The following MAPKBP1 variants were observed in gnomAD, a reference collection of about 807,000 sequenced individuals.
The protein encoded by MAPKBP1 is mitogen-activated protein kinase-binding protein 1.
In MAPKBP1, 71 loss-of-function variants were observed where a neutral mutation model predicts 170.5. The ratio of observed to expected loss-of-function variants is 0.42; its 90% CI spans 0.34 to 0.51. MAPKBP1 has a LOEUF of 0.51. Ranked by LOEUF, MAPKBP1 falls within the 20% of genes least tolerant of loss-of-function variation. The pLI, the probability that MAPKBP1 is intolerant of heterozygous loss-of-function variation, is 0.06. For missense variants in MAPKBP1, 1,598 were observed against 1,933.0 expected (o/e 0.83, Z 3.25); for synonymous variants, 719 against 757.9 (o/e 0.95, Z 0.84).
intron 2 of MAPKBP1, among the ~76,000 whole-genome samples, chr15:41,782,330 A>C (rs1160316754): frequency 6.6e-6 from 1 of 151,986 alleles, no homozygotes; most frequent in African/African-American, 2.4e-5. Flanking sequence ...ATTGTATTAT[A>C]AATAATGATA....
At position 41,823,956 on chromosome 15, in the gene MAPKBP1, A is replaced by G; in HGVS notation, c.4108A>G (p.Ser1370Gly). The change falls in exon 29 of 31, where the codon AGC becomes GGC. Residue 1370 changes from serine to glycine, a missense_variant. Transcript: ENST00000457542. ...CCCCTGTGCCCAGCAACTGCCAGTC[A>G]GCAGCCTCTTCCAAGGCCCTGAAAA... is the stretch of plus-strand genomic sequence containing the variant. Reference protein sequence around the residue: ...SSPCAQQLPVSSLFQGPENLQ... With the variant: ...SSPCAQQLPVGSLFQGPENLQ... 1 of 1,614,112 alleles carries G rather than the reference A, an allele frequency of 6.2e-7. No individual in the cohort carries two copies. Among genetic ancestry groups the G allele is most frequent in the East Asian group, 2.2e-5 (1 of 44,864 alleles).
chr15:41,812,862 G>C, intron 7 of MAPKBP1, 57 bp from the exon 8 acceptor site: 1 of 1,540,368 alleles, frequency 6.5e-7, no homozygotes, highest in Non-Finnish European at 8.7e-7. Flanking sequence ...CTAGGGCCCA[G>C]TTTCCAGGGG....
chr15:41,820,767 T>G, intron 22 of MAPKBP1, 65 bp from the exon 23 acceptor site: 2 of 1,191,680 alleles, frequency 1.7e-6, no homozygotes, highest in Non-Finnish European at 2.5e-6. Context: ...AAGGGATATG[T>G]GGATATTTGT....
chr15:41,776,160 C>A (rs975302370), intron 2 of MAPKBP1, among the ~76,000 whole-genome samples: 2 of 152,156 alleles, frequency 1.3e-5, no homozygotes, highest in African/African-American at 4.8e-5. Context: ...TTATTTAATC[C>A]CTTGAGGGAA....
At chr15:41,794,550 C>T (rs1013274209) in intron 2 of MAPKBP1, among the ~76,000 whole-genome samples, 4 of 152,116 alleles carry the variant, frequency 2.6e-5, no homozygotes, top group Admixed American at 1.3e-4. Context: ...TGTCCTCGGT[C>T]GGTCATAGCC....
intron 21 of MAPKBP1, 105 bp downstream of exon 21, chr15:41,819,484 T>A: frequency 1.3e-6 from 2 of 1,563,302 alleles, no homozygotes; most frequent in Non-Finnish European, 1.7e-6. Flanking sequence ...CTGAGGAAAC[T>A]GAGGCATCAC....
At position 41,817,616 on chromosome 15, in the gene MAPKBP1, T is replaced by C. The variant is rs1337880419; in HGVS notation, c.1785T>C (p.Ser595=). ...KSIYFRTAQK[S]GDGVQFTRTH... Reference sequence around the variant, plus strand: ...GCCCACATGCTCCACCCCTGCAGTCTGGAGATGGAGTGCAGTTCACACGGA... The same window carrying C: ...GCCCACATGCTCCACCCCTGCAGTCCGGAGATGGAGTGCAGTTCACACGGA... The change falls in exon 16 of 31, where the codon TCT becomes TCC. Residue 595 remains serine, a splice_region_variant and synonymous_variant. Coordinates refer to ENST00000457542, the MANE Select transcript of MAPKBP1 (RefSeq NM_014994.3). This position sits in a 1 kb window ranked among gnomAD's most constrained non-coding sequence, Gnocchi z 4.2. 3 of 1,614,042 alleles carry C rather than the reference T, an allele frequency of 1.9e-6. No homozygotes were observed. The highest frequency in any genetic ancestry group is 2.5e-6 in the Non-Finnish European group (3 of 1,180,024).
chr15:41,786,633 C>T (rs956343503), intron 2 of MAPKBP1, among the ~76,000 whole-genome samples: 26 of 149,836 alleles, frequency 1.7e-4, no homozygotes, highest in Non-Finnish European at 3.4e-4. Flanking sequence ...GGCGTGGTGG[C>T]GGGTGCCCGT....
intron 2 of MAPKBP1, among the ~76,000 whole-genome samples, chr15:41,792,590 A>C (rs1289148645): frequency 2.0e-5 from 3 of 152,220 alleles, no homozygotes; most frequent in African/African-American, 7.2e-5. Context: ...CCACTTGTGC[A>C]TGAAGCAGTG....
intron 3 of MAPKBP1, among the ~76,000 whole-genome samples, chr15:41,801,831 CAA>C (rs2064599703): frequency 6.6e-6 from 1 of 151,920 alleles, no homozygotes; most frequent in African/African-American, 2.4e-5. Context: ...GCCTGGGCGA[CAA>C]AGAGAGACTC....
chr15:41,822,590 T>G lies in MAPKBP1; in HGVS notation c.3230-3T>G. 3 of 1,613,842 alleles carry G rather than the reference T, an allele frequency of 1.9e-6. 1 individual carries two copies. The highest frequency in any genetic ancestry group is 3.3e-4 in the Middle Eastern group (2 of 6,048). On this transcript the variant is annotated splice_polypyrimidine_tract_variant and splice_region_variant and intron_variant, in intron 26 of 30. Transcript: ENST00000457542. Reference sequence around the variant, plus strand: ...CAATTCATGATTTCTCTGACCTTGGTAGGGGCCCCAGTGCAGGTCCCAGAG... The same window carrying G: ...CAATTCATGATTTCTCTGACCTTGGGAGGGGCCCCAGTGCAGGTCCCAGAG...
intron 23 of MAPKBP1, chr15:41,821,300 G>A: frequency 6.5e-6 from 4 of 614,694 alleles, no homozygotes; most frequent in Non-Finnish European, 5.7e-6. Flanking sequence ...GCCCTGGGCT[G>A]GGTTTCTTGG....
Position 41,817,072 on chromosome 15 carries a change from T to C in MAPKBP1, c.1711+37T>C. ...GTGAATGAGACACATCCTGCCACTCTCACCCCTGCTGCCATCTGCCTCCCA... is the reference window on the plus strand; with the variant it reads ...GTGAATGAGACACATCCTGCCACTCCCACCCCTGCTGCCATCTGCCTCCCA... On this transcript the variant is annotated intron_variant, in intron 14 of 30. Transcript: ENST00000457542. This position sits in a 1 kb window ranked among gnomAD's most constrained non-coding sequence, Gnocchi z 4.2. 6.5e-7 allele frequency: 1 copy of C among 1,546,952 alleles called. No homozygotes were observed. Among genetic ancestry groups the C allele is most frequent in the Admixed American group, 1.9e-5 (1 of 53,152 alleles).
intron 2 of MAPKBP1, among the ~76,000 whole-genome samples, chr15:41,781,523 G>A (rs1214475699): frequency 6.6e-6 from 1 of 151,290 alleles, no homozygotes. Context: ...CACACCTATA[G>A]CCCCAGCATC....
At chr15:41,788,778 T>A (rs796132534) in intron 2 of MAPKBP1, among the ~76,000 whole-genome samples, 6 of 152,306 alleles carry the variant, frequency 3.9e-5, no homozygotes, top group African/African-American at 1.4e-4. Flanking sequence ...TATATTTTAT[T>A]TAGTTGACAG....
chr15:41,778,793 G>T (rs893485850), intron 2 of MAPKBP1, among the ~76,000 whole-genome samples: 1 of 152,166 alleles, frequency 6.6e-6, no homozygotes, highest in African/African-American at 2.4e-5. Flanking sequence ...TTGTTTTCAA[G>T]GACAAAGGAT....
Position 41,823,529 on chromosome 15 carries a change from C to T in MAPKBP1, c.3681C>T (p.Ser1227=), listed in dbSNP as rs2065037711. 16 of 1,614,048 alleles carry T rather than the reference C, an allele frequency of 9.9e-6. No homozygotes were observed. Among genetic ancestry groups the T allele is most frequent in the Non-Finnish European group, 1.4e-5 (16 of 1,180,022 alleles). ...REIEAQDGLG[S]LPPADGRPSR... ...TCGAAGCTCAGGATGGTCTGGGCTC[C>T]CTGCCCCCAGCTGATGGCCGTCCGT... Residue 1227 remains serine (S), a synonymous_variant, in exon 29 of 31, where the codon TCC becomes TCT. Transcript: ENST00000457542.
intron 2 of MAPKBP1, among the ~76,000 whole-genome samples, chr15:41,793,403 T>G (rs2064430722): frequency 6.6e-6 from 1 of 152,084 alleles, no homozygotes; most frequent in Non-Finnish European, 1.5e-5. Flanking sequence ...AGGAGAATAG[T>G]GTGAGCTTGC....
Position 41,825,540 on chromosome 15 carries a change from G to C in MAPKBP1, c.*104G>C, listed in dbSNP as rs2065076145. ...CGGGGCTGCTTGGAGTGGAAAGCAG[G>C]GAGCAGTGTTCAGAGGCAAAGCAGC... is the stretch of plus-strand genomic sequence containing the variant. On this transcript the variant is annotated 3_prime_UTR_variant, in exon 31 of 31. Transcript: ENST00000457542. The C allele has an allele frequency of 4.3e-5, 46 of 1,068,510 alleles. No homozygotes were observed. In the South Asian group the frequency reaches 7.6e-4, roughly 18 times the overall value. 66.2% of individuals were successfully genotyped at this position (1,068,510 alleles called of 1,614,324 possible). A position where few individuals can be genotyped will look rare whatever the true frequency, so the allele number is the denominator to read the frequency against.
Sources: gnomAD v4.1 joint callset for allele counts (sites outside exome capture counted in the v4.1 genomes callset) on GRCh38, gnomAD v4.1.1 for gene constraint, Gnocchi (gnomAD v3.1) non-coding constraint, MANE v1.5 for transcripts, NCBI Gene and HGNC (gene_info 2026-07-23, HGNC 2026-07-21) for gene names.